RALGAPB: variants seen among roughly 807,000 people sequenced by gnomAD.
The protein encoded by RALGAPB is ral GTPase-activating protein subunit beta.
RALGAPB carries 25 observed loss-of-function variants against 161.1 expected under a neutral mutation model. The ratio of observed to expected loss-of-function variants is 0.16; its 90% CI spans 0.11 to 0.22. The LOEUF is 0.22. Ranked by LOEUF, RALGAPB falls within the 10% of genes least tolerant of loss-of-function variation. The pLI, the probability that RALGAPB is intolerant of heterozygous loss-of-function variation, is 1.00. For missense variants in RALGAPB, 1,391 were observed against 1,815.2 expected (o/e 0.77, Z 4.25); for synonymous variants, 629 against 626.1 (o/e 1.00, Z -0.07).
intron 10 of RALGAPB, among the ~76,000 whole-genome samples, chr20:38,522,400 C>T (rs2086316926): frequency 6.6e-6 from 1 of 152,178 alleles, no homozygotes. Flanking sequence ...TTTAGTTGAT[C>T]AACCGATCAA....
chr20:38,549,076 TC>T (rs1022847528), intron 20 of RALGAPB, among the ~76,000 whole-genome samples: 2 of 152,178 alleles, frequency 1.3e-5, no homozygotes, highest in African/African-American at 4.8e-5. Context: ...CCCAGTTTTT[TC>T]CATGTAATTT....
At chr20:38,562,830 C>A in intron 24 of RALGAPB, 133 bp downstream of exon 24, 1 of 935,382 alleles carries the variant, frequency 1.1e-6, no homozygotes, top group Non-Finnish European at 1.5e-6. Flanking sequence ...GCATGCCTGT[C>A]TTCAAGAAGC....
chr20:38,515,168 T>C (rs1167106711), intron 6 of RALGAPB, among the ~76,000 whole-genome samples: 1 of 152,248 alleles, frequency 6.6e-6, no homozygotes, highest in Non-Finnish European at 1.5e-5. Context: ...TCCCTTCCTC[T>C]GTCTTACTTG....
intron 3 of RALGAPB, among the ~76,000 whole-genome samples, chr20:38,495,826 G>A (rs2085412586): frequency 6.6e-6 from 1 of 152,136 alleles, no homozygotes; most frequent in Non-Finnish European, 1.5e-5. Context: ...TCTGAATGAG[G>A]AGGAAGGAGC....
rs7272748 is a variant in RALGAPB, at chr20:38,522,531, C to T, written c.1619+833C>T. ...AATTAACTCATAATGGCCTCCCGTT[C>T]TTCTTGACACTGTTTTGCCTTCCTT... On this transcript the variant is annotated intron_variant, in intron 10 of 29. Transcript: ENST00000262879. Among the ~76,000 whole-genome samples the T allele has an allele frequency of 2.6e-3, 401 of 152,284 alleles. 1 individual carries two copies. The highest frequency in any genetic ancestry group is 9.2e-3 in the African/African-American group (382 of 41,550).
chr20:38,523,359 G>A (rs536179945), intron 10 of RALGAPB, among the ~76,000 whole-genome samples: 2 of 152,284 alleles, frequency 1.3e-5, no homozygotes, highest in African/African-American at 4.8e-5. Context: ...ATGTTTCTCA[G>A]GAACTCTGGG....
rs946066307 is a variant in RALGAPB at position 38,578,151 on chromosome 20, G to A, written c.*3184G>A. 10 of 152,210 alleles carry A rather than the reference G, an allele frequency of 6.6e-5. No individual in the cohort carries two copies. Among genetic ancestry groups the A allele is most frequent in the Admixed American group, 3.9e-4 (6 of 15,278 alleles). 9.4% of individuals were successfully genotyped at this position (152,210 alleles called of 1,614,324 possible). On this transcript the variant is annotated 3_prime_UTR_variant, in exon 30 of 30. Coordinates refer to ENST00000262879, the MANE Select transcript of RALGAPB (RefSeq NM_020336.4). ...ATTCACCATTTTAAAGCCCATTCAG[G>A]TTCTCTCTTCCTGAAAAGAACTGAT...
At position 38,574,904 on chromosome 20, in the gene RALGAPB, G is replaced by C. The variant is rs1265995349; in HGVS notation, c.4422G>C (p.Gln1474His). ...TDIVNKYRNK[Q>H]LEPEFYTSLF... ...TTGTCAACAAGTACCGGAACAAGCA[G>C]CTGGAGCCAGAGTTTTATACTTCAC... is the stretch of plus-strand genomic sequence containing the variant. The change falls in exon 30 of 30, where the codon CAG (glutamine) becomes CAC (histidine). Residue 1474 changes from glutamine to histidine, a missense_variant. Physicochemically the swap from Gln to His is conservative, Grantham distance 24. This residue lies in a region of RALGAPB where 436 missense variants were observed against 527.0 expected (regional missense o/e 0.83). Coordinates refer to ENST00000262879, the MANE Select transcript of RALGAPB (RefSeq NM_020336.4). 6.2e-7 allele frequency: 1 copy of C among 1,614,072 alleles called. No individual in the cohort carries two copies. The highest frequency in any genetic ancestry group is 8.5e-7 in the Non-Finnish European group (1 of 1,179,926).
intron 23 of RALGAPB, among the ~76,000 whole-genome samples, chr20:38,560,493 T>C (rs1289198819): frequency 6.6e-6 from 1 of 152,232 alleles, no homozygotes; most frequent in African/African-American, 2.4e-5. Flanking sequence ...GGGTCTAATA[T>C]GCTTGGAGCT....
At chr20:38,510,131 TACACACACACACACACACACAC>T (rs34759480) in intron 6 of RALGAPB, among the ~76,000 whole-genome samples, 1 of 146,168 alleles carries the variant, frequency 6.8e-6, no homozygotes, top group Non-Finnish European at 1.5e-5. Flanking sequence ...CACACGCACA[TACACACACACACACACACACAC>T]ACACACACAC....
chr20:38,516,392 A>G, intron 7 of RALGAPB, 22 bp downstream of exon 7: 1 of 1,595,828 alleles, frequency 6.3e-7, no homozygotes, highest in Non-Finnish European at 8.6e-7. Flanking sequence ...GTATGTTGCT[A>G]GATGTATGAA....
intron 23 of RALGAPB, among the ~76,000 whole-genome samples, chr20:38,561,092 G>A (rs777296076): frequency 1.4e-4 from 21 of 152,218 alleles, no homozygotes; most frequent in East Asian, 3.8e-4. Flanking sequence ...TTGGGAGGCC[G>A]AGGCGCGCGG....
At chr20:38,478,725 T>C (rs1225732868) in intron 1 of RALGAPB, among the ~76,000 whole-genome samples, 1 of 152,144 alleles carries the variant, frequency 6.6e-6, no homozygotes, top group African/African-American at 2.4e-5. Flanking sequence ...CAAGTGATTC[T>C]CCTCCCTCAG....
Position 38,527,125 on chromosome 20 carries a change from C to G in RALGAPB, c.2050+1083C>G, listed in dbSNP as rs114851265. 6.0e-3 allele frequency among the ~76,000 whole-genome samples: 918 copies of G among 152,286 alleles called. 12 individuals carry two copies. The highest frequency in any genetic ancestry group is 0.021 in the African/African-American group (883 of 41,558). On this transcript the variant is annotated intron_variant, in intron 13 of 29. Coordinates refer to ENST00000262879, the MANE Select transcript of RALGAPB (RefSeq NM_020336.4). ...CAATTGATCTCTGAGGATGACTTGA[C>G]CTTGGCAGTGGTTAGAGGCTTTCTT...
rs769667448 is a variant in RALGAPB at position 38,551,109 on chromosome 20, C to T, written c.3048C>T (p.Asp1016=). ...AACCTCGCCCAGTTCCTAAAAATGACGTTGGATTTAAATATTCTGTGAAAC... is the reference window on the plus strand; with the variant it reads ...AACCTCGCCCAGTTCCTAAAAATGATGTTGGATTTAAATATTCTGTGAAAC... ...VPEPRPVPKN[D]VGFKYSVKHR... is the part of the protein sequence containing the mutation. Residue 1016 remains aspartate (D), a synonymous_variant, in exon 21 of 30, where the codon GAC becomes GAT. Coordinates refer to ENST00000262879, the MANE Select transcript of RALGAPB (RefSeq NM_020336.4). 6.2e-6 allele frequency: 10 copies of T among 1,613,676 alleles called. No homozygotes were observed. Among genetic ancestry groups the T allele is most frequent in the South Asian group, 2.2e-5 (2 of 91,072 alleles).
At chr20:38,496,121 C>T (rs749847197) in intron 3 of RALGAPB, among the ~76,000 whole-genome samples, 1 of 152,120 alleles carries the variant, frequency 6.6e-6, no homozygotes, top group Non-Finnish European at 1.5e-5. Flanking sequence ...TTACTAGATC[C>T]ACCTTTAGCT....
rs1444592255 is a variant in RALGAPB at position 38,517,919 on chromosome 20, C to T, written c.1336C>T (p.Leu446Phe). Residue 446 changes from leucine (L) to phenylalanine (F), a missense_variant, in exon 9 of 30, where the codon CTC becomes TTC. Physicochemically the swap from Leu to Phe is conservative, Grantham distance 22. Transcript: ENST00000262879. ...RRPKVNSILNLFGSWLFDAAF... is the reference protein window; with the variant it reads ...RRPKVNSILNFFGSWLFDAAF... Reference sequence around the variant, plus strand: ...ACCAAAGGTTAACAGCATCTTGAATCTCTTTGGATCATGGTTATTTGATGC... The same window carrying T: ...ACCAAAGGTTAACAGCATCTTGAATTTCTTTGGATCATGGTTATTTGATGC... 4.3e-6 allele frequency: 7 copies of T among 1,613,970 alleles called. No individual in the cohort carries two copies. Among genetic ancestry groups the T allele is most frequent in the Non-Finnish European group, 5.9e-6 (7 of 1,179,964 alleles).
Position 38,474,081 on chromosome 20 carries a change from G to C in RALGAPB, c.-31+1012G>C, listed in dbSNP as rs74635408. Among the ~76,000 whole-genome samples, 726 of 152,206 alleles carry C rather than the reference G, an allele frequency of 4.8e-3. 4 individuals are homozygous for C. Among genetic ancestry groups the C allele is most frequent in the African/African-American group, 0.016 (683 of 41,522 alleles). On this transcript the variant is annotated intron_variant, in intron 1 of 29. Transcript: ENST00000262879. ...TCTCTGCAGGGATTCTGAGTCATCT[G>C]GAACATTTAAAATGTATGCATCTTA... is the stretch of plus-strand genomic sequence containing the variant.
At chr20:38,566,247 C>G (rs1169977036) in intron 25 of RALGAPB, among the ~76,000 whole-genome samples, 1 of 152,156 alleles carries the variant, frequency 6.6e-6, no homozygotes, top group Non-Finnish European at 1.5e-5. Flanking sequence ...CCCTGTCTTA[C>G]TCTCTGGGGC....
Sources: allele counts gnomAD v4.1 joint callset (sites outside exome capture counted in the v4.1 genomes callset), GRCh38; gene constraint gnomAD v4.1.1; regional missense constraint gnomAD v4.1.1; transcripts MANE v1.5; gene names NCBI Gene and HGNC (gene_info 2026-07-23, HGNC 2026-07-21).